Variants in SPATA17 observed in about 807,000 individuals in gnomAD.
SPATA17 encodes the protein spermatogenesis associated 17.
In SPATA17, 53 loss-of-function variants were observed where a neutral mutation model predicts 62.2. The observed-to-expected ratio is 0.85, with a 90% CI of 0.68 to 1.07. The LOEUF (loss-of-function observed/expected upper bound fraction) is 1.07. Among genes scored for constraint, SPATA17 ranks in the 50% least tolerant of loss-of-function variants. SPATA17 has a pLI of 0.00. For missense variants in SPATA17, 466 were observed against 425.5 expected (o/e 1.10, Z -0.84); for synonymous variants, 146 against 146.8 (o/e 0.99, Z 0.04).
At chr1:217,647,662 C>G (rs1670216532) in intron 1 of SPATA17, among the ~76,000 whole-genome samples, 1 of 152,150 alleles carries the variant, frequency 6.6e-6, no homozygotes, top group Non-Finnish European at 1.5e-5. Context: ...AAGCTGTTCT[C>G]CCTCCCACAT....
At chr1:217,726,658 G>A (rs1216474440) in intron 5 of SPATA17, among the ~76,000 whole-genome samples, 30 of 151,338 alleles carry the variant, frequency 2.0e-4, no homozygotes, top group Admixed American at 2.0e-3. Context: ...TTTATGATGG[G>A]GGTTGTGACT....
chr1:217,682,364 C>CAAA (rs528838455), intron 4 of SPATA17, among the ~76,000 whole-genome samples: 1 of 122,308 alleles, frequency 8.2e-6, no homozygotes, highest in African/African-American at 3.1e-5. Context: ...TCCTCTCATC[C>CAAA]AAAAAAAAAA....
chr1:217,786,368 A>G (rs1287367760), intron 8 of SPATA17, among the ~76,000 whole-genome samples: 1 of 152,156 alleles, frequency 6.6e-6, no homozygotes, highest in Non-Finnish European at 1.5e-5. Flanking sequence ...ATCCTGCAAA[A>G]GATGATTGAG....
chr1:217,771,827 T>C (rs1392643903), intron 6 of SPATA17, among the ~76,000 whole-genome samples: 1 of 126,060 alleles, frequency 7.9e-6, no homozygotes, highest in Non-Finnish European at 1.7e-5. Context: ...AGCCTATGTA[T>C]ACACGTGCAT....
chr1:217,831,282 T>G (rs1675132901), intron 9 of SPATA17, among the ~76,000 whole-genome samples: 1 of 152,196 alleles, frequency 6.6e-6, no homozygotes, highest in Non-Finnish European at 1.5e-5. Flanking sequence ...GTAACTTGCC[T>G]GTAAGCAGCA....
intron 6 of SPATA17, among the ~76,000 whole-genome samples, chr1:217,750,514 C>T (rs1019120314): frequency 1.3e-5 from 2 of 152,100 alleles, no homozygotes; most frequent in African/African-American, 2.4e-5. Context: ...TATTTAGTAT[C>T]AATTATTAAC....
chr1:217,676,418 G>T (rs1341071546), intron 4 of SPATA17, among the ~76,000 whole-genome samples: 1 of 151,864 alleles, frequency 6.6e-6, no homozygotes, highest in Admixed American at 6.6e-5. Context: ...TACCGTGCCT[G>T]TTTTGGGCCC....
intron 9 of SPATA17, among the ~76,000 whole-genome samples, chr1:217,855,652 A>T (rs1558078254): frequency 2.0e-5 from 3 of 151,864 alleles, no homozygotes; most frequent in Non-Finnish European, 4.4e-5. Flanking sequence ...CATGTCTGTC[A>T]TGTGGGCCTG....
chr1:217,700,677 C>T (rs1671575151), intron 5 of SPATA17, among the ~76,000 whole-genome samples: 1 of 151,940 alleles, frequency 6.6e-6, no homozygotes, highest in African/African-American at 2.4e-5. Context: ...CCCTCCGCCT[C>T]CCAGGCTCAA....
At position 217,869,260 on chromosome 1, in the gene SPATA17, G is replaced by C. The variant is rs1346095315; in HGVS notation, c.*2241G>C. On this transcript the variant is annotated 3_prime_UTR_variant, in exon 11 of 11. Coordinates refer to ENST00000366933, the MANE Select transcript of SPATA17 (RefSeq NM_138796.4). ...CTTCCAGGTCATAGTTGGAGTCAAA[G>C]ACTTTCCAATTGGCAATTGGTTCAA... 32 of 152,314 alleles carry C rather than the reference G, an allele frequency of 2.1e-4. No individual in the cohort carries two copies. The allele number at this position is 152,314 out of a possible 1,614,324, so 9.4% of individuals were successfully genotyped here. A position where few individuals can be genotyped will look rare whatever the true frequency, so the allele number is the denominator to read the frequency against.
rs190773479 is a variant in SPATA17, at chr1:217,718,549, C to T, written c.396-23426C>T. ...TAGTGACCCAGGAACCTGACGGAAA[C>T]ATTTGAAAAGCCTCTACCAGGGAAG... On this transcript the variant is annotated intron_variant, in intron 5 of 10. Coordinates refer to ENST00000366933, the MANE Select transcript of SPATA17 (RefSeq NM_138796.4). Among the ~76,000 whole-genome samples, 10 of 152,240 alleles carry T rather than the reference C, an allele frequency of 6.6e-5. No individual in the cohort carries two copies. In the East Asian group the frequency reaches 1.9e-3, roughly 29 times the overall value.
At chr1:217,818,616 A>T (rs1674780008) in intron 9 of SPATA17, among the ~76,000 whole-genome samples, 1 of 152,006 alleles carries the variant, frequency 6.6e-6, no homozygotes. Flanking sequence ...TTATGGGAAC[A>T]TCATCATATA....
intron 2 of SPATA17, among the ~76,000 whole-genome samples, chr1:217,650,453 G>A (rs1279432127): frequency 6.6e-6 from 1 of 151,754 alleles, no homozygotes; most frequent in Non-Finnish European, 1.5e-5. Flanking sequence ...GTCTTGCTCT[G>A]TCACCCAGGT....
intron 8 of SPATA17, among the ~76,000 whole-genome samples, 190 bp downstream of exon 8, chr1:217,782,512 C>T (rs996835717): frequency 1.3e-5 from 2 of 152,034 alleles, no homozygotes; most frequent in Admixed American, 6.6e-5. Context: ...ATGGCAAAAA[C>T]TCTTTTGACA....
At chr1:217,693,230 G>A (rs1490913234) in intron 5 of SPATA17, among the ~76,000 whole-genome samples, 27 of 149,198 alleles carry the variant, frequency 1.8e-4, no homozygotes, top group African/African-American at 6.2e-4. Flanking sequence ...GAGAGTGTAT[G>A]TGTCGAGGAA....
At chr1:217,843,459 A>AAAATG (rs1219533314) in intron 9 of SPATA17, among the ~76,000 whole-genome samples, 5 of 152,112 alleles carry the variant, frequency 3.3e-5, no homozygotes, top group African/African-American at 4.8e-5. Context: ...TCTACAAAAA[A>AAAATG]AAATGAAATT....
At chr1:217,798,938 C>G (rs1247116778) in intron 8 of SPATA17, among the ~76,000 whole-genome samples, 6 of 147,968 alleles carry the variant, frequency 4.1e-5, no homozygotes, top group African/African-American at 1.5e-4. Context: ...AGCAGTGGCT[C>G]GATCTGTAAG....
chr1:217,816,619 T>A (rs1362714067), intron 9 of SPATA17, among the ~76,000 whole-genome samples: 1 of 151,986 alleles, frequency 6.6e-6, no homozygotes, highest in Non-Finnish European at 1.5e-5. Context: ...ATAATATACA[T>A]ACACACAATT....
At chr1:217,802,048 G>A (rs867183096) in intron 9 of SPATA17, among the ~76,000 whole-genome samples, 198 bp downstream of exon 9, 7 of 151,146 alleles carry the variant, frequency 4.6e-5, no homozygotes, top group African/African-American at 1.7e-4. Context: ...TAAGTTTTAT[G>A]ACTTAGCTAT....
Sources: gnomAD v4.1 joint callset for allele counts (sites outside exome capture counted in the v4.1 genomes callset) on GRCh38, gnomAD v4.1.1 for gene constraint, MANE v1.5 for transcripts, NCBI Gene and HGNC (gene_info 2026-07-23, HGNC 2026-07-21) for gene names.